KLK4: variants seen among roughly 807,000 people sequenced by gnomAD.
The protein encoded by KLK4 is kallikrein related peptidase 4, also known as kallikrein-4.
KLK4 carries 24 observed loss-of-function variants against 24.3 expected under a neutral mutation model. The ratio of observed to expected loss-of-function variants is 0.99; its 90% CI spans 0.72 to 1.39. KLK4 has a LOEUF of 1.39. KLK4 is among the 40% of genes most tolerant of loss of function. The pLI is 0.00. For synonymous variants in KLK4, 142 were observed against 138.8 expected (o/e 1.02, Z -0.16); for missense variants, 344 against 327.4 (o/e 1.05, Z -0.39).
chr19:50,910,578 G>T lies in KLK4; in HGVS notation c.61+100C>A. The T allele has an allele frequency of 9.2e-7, 1 of 1,084,006 alleles. No homozygotes were observed. The highest frequency in any genetic ancestry group is 1.4e-6 in the Non-Finnish European group (1 of 720,454). 67.1% of individuals were successfully genotyped at this position (1,084,006 alleles called of 1,614,324 possible). On this transcript the variant is annotated intron_variant, in intron 2 of 5. Transcript: ENST00000324041. The surrounding 1 kb of genome is among the most constrained non-coding windows in gnomAD (Gnocchi z 4.4). ...ATAACACGGTACCGTCTCACAGGCAGCTTTGCAGTCACAAGCAAGAGGACA... is the reference window on the plus strand; with the variant it reads ...ATAACACGGTACCGTCTCACAGGCATCTTTGCAGTCACAAGCAAGAGGACA...
At chr19:50,906,995 C>T in exon 6 of KLK4, 1 of 1,614,144 alleles carries the variant, frequency 6.2e-7, no homozygotes, top group Non-Finnish European at 8.5e-7. Context: ...GGTGTAGACA[C>T]CTGGCACGCC....
intron 3 of KLK4, 21 bp from the exon 4 acceptor site, chr19:50,908,850 G>A (rs777464078): frequency 1.9e-6 from 3 of 1,608,628 alleles, no homozygotes; most frequent in South Asian, 1.1e-5. Context: ...CGGAGGGCAG[G>A]TCAGTTTTGT....
intron 3 of KLK4, 129 bp downstream of exon 3, chr19:50,909,123 T>C: frequency 6.4e-7 from 1 of 1,566,296 alleles, no homozygotes; most frequent in African/African-American, 1.3e-5. Flanking sequence ...GCTCCCCGGA[T>C]CCAGGCTCAT....
At chr19:50,907,929 C>CA (rs2090448053) in intron 5 of KLK4, 1 of 279,788 alleles carries the variant, frequency 3.6e-6, no homozygotes, top group Non-Finnish European at 6.9e-6. Context: ...TTAGAAATAT[C>CA]AAAAAATTCC....
chr19:50,909,513 C>CCCTG, intron 2 of KLK4, 99 bp from the exon 3 acceptor site: 3 of 1,289,666 alleles, frequency 2.3e-6, no homozygotes, highest in Non-Finnish European at 3.3e-6. Flanking sequence ...GGTTCAGGAG[C>CCCTG]AGTCAGGGCT....
chr19:50,906,752 G>C, exon 6 of KLK4: 1 of 601,944 alleles, frequency 1.7e-6, no homozygotes, highest in Non-Finnish European at 3.0e-6. Flanking sequence ...AGGGGCTGGG[G>C]GGTCTGGACT....
chr19:50,908,551 G>C (rs1345741463), intron 4 of KLK4, 28 bp downstream of exon 4: 4 of 1,614,076 alleles, frequency 2.5e-6, no homozygotes, highest in African/African-American at 1.3e-5. Context: ...CCTCCTTGAA[G>C]AGGGCAGACA....
Position 50,910,691 on chromosome 19 carries a change from G to T in KLK4, c.48C>A (p.Ile16=), listed in dbSNP as rs1361318965. 6.4e-7 allele frequency: 1 copy of T among 1,555,670 alleles called. No individual in the cohort carries two copies. The highest frequency in any genetic ancestry group is 8.7e-7 in the Non-Finnish European group (1 of 1,148,822). ...ATACTCAGATACCTGCGACACCAAG[G>T]ATGAGGTACCCCAGGAACCAGCCCC... Residue 16 remains isoleucine, a synonymous_variant, in exon 2 of 6, where the codon ATC becomes ATA. Transcript: ENST00000324041. The surrounding 1 kb of genome is among the most constrained non-coding windows in gnomAD (Gnocchi z 4.4).
At chr19:50,908,292 T>C in intron 5 of KLK4, 67 bp downstream of exon 5, 3 of 1,589,008 alleles carry the variant, frequency 1.9e-6, no homozygotes, top group Non-Finnish European at 2.6e-6. Flanking sequence ...TGCGGCCCTG[T>C]GTGTCTCTGT....
intron 2 of KLK4, 24 bp from the exon 3 acceptor site, chr19:50,909,438 A>C: frequency 1.2e-6 from 2 of 1,612,882 alleles, no homozygotes; most frequent in Non-Finnish European, 1.7e-6. Context: ...CAGGGATGGG[A>C]TCGGGACCAG....
At chr19:50,907,433 G>T (rs1263442739) in intron 5 of KLK4, among the ~76,000 whole-genome samples, 2 of 136,416 alleles carry the variant, frequency 1.5e-5, no homozygotes, top group East Asian at 4.3e-4. Context: ...TTGAGACAGA[G>T]TCTTACTCTG....
chr19:50,906,976 G>A (rs775747908), exon 6 of KLK4: 6 of 1,614,204 alleles, frequency 3.7e-6, no homozygotes, highest in Non-Finnish European at 5.1e-6. Flanking sequence ...CAGTGAATTT[G>A]CAGAGGTTGG....
Position 50,910,755 on chromosome 19 carries a change from G to C in KLK4, c.-11-6C>G, listed in dbSNP as rs1340128437. ...TGTGGCCATCACGTCAGCACCTGGG[G>C]ATGAGGACTGAGACTTAGCCGTGTC... On this transcript the variant is annotated splice_polypyrimidine_tract_variant and splice_region_variant and intron_variant, in intron 1 of 5. Coordinates refer to ENST00000324041, the Ensembl canonical transcript of KLK4. This position sits in a 1 kb window ranked among gnomAD's most constrained non-coding sequence, Gnocchi z 4.4. 1.3e-6 allele frequency: 2 copies of C among 1,551,168 alleles called. No individual in the cohort carries two copies. Among genetic ancestry groups the C allele is most frequent in the South Asian group, 1.2e-5 (1 of 84,044 alleles).
At chr19:50,908,179 C>T (rs76655235) in intron 5 of KLK4, 180 bp downstream of exon 5, 1 of 746,578 alleles carries the variant, frequency 1.3e-6, no homozygotes, top group East Asian at 2.7e-5. Flanking sequence ...TTCTCTCTTC[C>T]TTTGCTTCTC....
At chr19:50,906,983 T>G (rs760452842) in exon 6 of KLK4, 1 of 1,614,134 alleles carries the variant, frequency 6.2e-7, no homozygotes, top group Non-Finnish European at 8.5e-7. Flanking sequence ...TTTGCAGAGG[T>G]TGGTGTAGAC....
intron 2 of KLK4, among the ~76,000 whole-genome samples, chr19:50,909,786 G>A (rs1371442938): frequency 1.3e-5 from 2 of 151,936 alleles, no homozygotes; most frequent in African/African-American, 4.8e-5. Context: ...CACGGTGCAG[G>A]AGCCTGGTCA....
rs775380241 is a variant in KLK4 at position 50,909,422 on chromosome 19, C to T, written c.62-8G>A. On this transcript the variant is annotated splice_polypyrimidine_tract_variant and splice_region_variant and intron_variant, in intron 2 of 5. Coordinates refer to ENST00000324041, the Ensembl canonical transcript of KLK4. ...TACCAGAGACGAGCGATCCTGAGGG[C>T]GGAGTCAGGGATGGGATCGGGACCA... The T allele has an allele frequency of 9.3e-6, 15 of 1,613,708 alleles. No homozygotes were observed. Among genetic ancestry groups the T allele is most frequent in the Middle Eastern group, 1.6e-4 (1 of 6,084 alleles).
At chr19:50,909,718 G>T (rs1278594536) in intron 2 of KLK4, among the ~76,000 whole-genome samples, 1 of 151,812 alleles carries the variant, frequency 6.6e-6, no homozygotes, top group Admixed American at 6.6e-5. Flanking sequence ...CAGGGGTCAT[G>T]ATCGGAGCTT....
chr19:50,908,702 T>C (rs759876755), exon 4 of KLK4: 26 of 1,613,922 alleles, frequency 1.6e-5, no homozygotes, highest in Admixed American at 3.3e-5. Flanking sequence ...TTGATGAGCA[T>C]GAGGTCGTTA....
Sources: gnomAD v4.1 joint callset for allele counts (sites outside exome capture counted in the v4.1 genomes callset) on GRCh38, gnomAD v4.1.1 for gene constraint, Gnocchi (gnomAD v3.1) non-coding constraint, MANE v1.5 for transcripts, NCBI Gene and HGNC (gene_info 2026-07-23, HGNC 2026-07-21) for gene names.